MAPK6: variants seen among roughly 807,000 people sequenced by gnomAD.
MAPK6 encodes ERK-3.
A neutral mutation model predicts 59.3 loss-of-function variants in MAPK6; 19 were observed. That is an observed-to-expected ratio of 0.32 (90% confidence interval 0.22 to 0.47). MAPK6 has a LOEUF of 0.47. Among genes scored for constraint, MAPK6 ranks in the 20% least tolerant of loss-of-function variants. MAPK6 has a pLI of 1.00. For synonymous variants in MAPK6, 316 were observed against 290.3 expected, an observed-to-expected ratio of 1.09 and a Z score of -0.90; for missense variants, 724 against 847.9, an observed-to-expected ratio of 0.85 and a Z score of 1.81.
At chr15:51,992,609 G>T (rs868676023) in intron 2 of MAPK6, among the ~76,000 whole-genome samples, 11 of 151,822 alleles carry the variant, frequency 7.2e-5, no homozygotes, top group African/African-American at 2.7e-4. Context: ...CAGCCAAGCC[G>T]TCCCCCATTT....
At chr15:52,038,285 G>A (rs2031308198) in intron 1 of MAPK6, among the ~76,000 whole-genome samples, 1 of 152,156 alleles carries the variant, frequency 6.6e-6, no homozygotes, top group Non-Finnish European at 1.5e-5. Context: ...TGTTTAGTCT[G>A]TTTAAAAGAT....
intron 4 of MAPK6, among the ~76,000 whole-genome samples, chr15:52,059,506 CCTCT>C (rs1395007237): frequency 6.6e-6 from 1 of 152,076 alleles, no homozygotes; most frequent in Non-Finnish European, 1.5e-5. Context: ...GTCTGCATAC[CCTCT>C]CTAAGGTGTG....
intron 1 of MAPK6, among the ~76,000 whole-genome samples, chr15:51,974,423 G>A (rs1345248620): frequency 2.0e-5 from 3 of 151,260 alleles, no homozygotes; most frequent in African/African-American, 4.8e-5. Context: ...TTGGGAGGCC[G>A]AGGCAGGTGG....
chr15:51,988,526 G>A (rs1469235015), intron 2 of MAPK6, among the ~76,000 whole-genome samples: 2 of 152,094 alleles, frequency 1.3e-5, no homozygotes, highest in African/African-American at 4.8e-5. Context: ...AAGGGCAGGA[G>A]TTCAAGACCA....
chr15:52,045,429 A>G lies in MAPK6; in HGVS notation c.-631-401A>G, dbSNP rs542775615. Among the ~76,000 whole-genome samples, 22 of 152,362 alleles carry G rather than the reference A, an allele frequency of 1.4e-4. No individual in the cohort carries two copies. In the East Asian group the frequency reaches 4.0e-3, roughly 28 times the overall value. ...TGATAGGCATAGTTAATAAGTAAAC[A>G]TGCTTTTTAACAAACTAACACATTG... On this transcript the variant is annotated intron_variant, in intron 1 of 5. Transcript: ENST00000261845.
intron 3 of MAPK6, among the ~76,000 whole-genome samples, chr15:52,013,872 T>C (rs1272713269): frequency 6.6e-6 from 1 of 152,208 alleles, no homozygotes; most frequent in Admixed American, 6.5e-5. Context: ...GCCAGTGTTA[T>C]ATTCTAAAAT....
At chr15:52,048,695 G>A (rs1463193504) in intron 2 of MAPK6, among the ~76,000 whole-genome samples, 4 of 151,994 alleles carry the variant, frequency 2.6e-5, no homozygotes, top group East Asian at 1.9e-4. Flanking sequence ...TTAGGAGGCC[G>A]GGGCAGGAGG....
intron 1 of MAPK6, among the ~76,000 whole-genome samples, chr15:52,031,125 G>GT (rs2031015704): frequency 6.6e-6 from 1 of 151,912 alleles, no homozygotes; most frequent in African/African-American, 2.4e-5. Context: ...GAGAGACAGG[G>GT]TTTCCCCCTG....
At chr15:52,030,068 A>G (rs145149374) in intron 1 of MAPK6, among the ~76,000 whole-genome samples, 1 of 152,262 alleles carries the variant, frequency 6.6e-6, no homozygotes, top group Non-Finnish European at 1.5e-5. Flanking sequence ...TGCTGTGGCT[A>G]CACTGGCATT....
intron 2 of MAPK6, among the ~76,000 whole-genome samples, chr15:51,987,220 C>G (rs535028180): frequency 4.6e-5 from 7 of 152,194 alleles, no homozygotes; most frequent in Middle Eastern, 6.8e-3. Context: ...AAAAAGAAAT[C>G]GAACTGAGGA....
intron 1 of MAPK6, among the ~76,000 whole-genome samples, chr15:51,976,119 T>A (rs568360864): frequency 6.7e-6 from 1 of 149,022 alleles, no homozygotes; most frequent in African/African-American, 2.5e-5. Context: ...ATAAAAAATT[T>A]GCCGGGCGTG....
chr15:51,975,387 A>G (rs1305727722), intron 1 of MAPK6, among the ~76,000 whole-genome samples: 2 of 151,586 alleles, frequency 1.3e-5, no homozygotes, highest in Non-Finnish European at 2.9e-5. Context: ...CTAAGAATAC[A>G]AAAATTAGCT....
intron 5 of MAPK6, 87 bp downstream of exon 5, chr15:52,061,587 A>C: frequency 3.0e-6 from 3 of 1,004,794 alleles, no homozygotes; most frequent in Non-Finnish European, 4.4e-6. Flanking sequence ...TATGTATAAG[A>C]CATTGTAGAA....
At position 52,066,600 on chromosome 15, in the gene MAPK6, C is replaced by A. The variant is rs1034008502; in HGVS notation, c.*1600C>A. ...TCTTTCATCCTTGTTTTGTACAACA[C>A]CAATTCTATTAATATCTGCCCACCT... is the stretch of plus-strand genomic sequence containing the variant. On this transcript the variant is annotated 3_prime_UTR_variant, in exon 6 of 6. Transcript: ENST00000261845. 1 of 70,552 alleles carries A rather than the reference C, an allele frequency of 1.4e-5. No individual in the cohort carries two copies. Among genetic ancestry groups the A allele is most frequent in the Non-Finnish European group, 5.4e-5 (1 of 18,450 alleles). The allele number at this position is 70,552 out of a possible 1,614,324, so 4.4% of individuals were successfully genotyped here. A position where few individuals can be genotyped will look rare whatever the true frequency, so the allele number is the denominator to read the frequency against.
At chr15:51,973,670 T>A (rs1360543925) in intron 1 of MAPK6, among the ~76,000 whole-genome samples, 1 of 151,708 alleles carries the variant, frequency 6.6e-6, no homozygotes, top group African/African-American at 2.4e-5. Flanking sequence ...TTTTTTTTTT[T>A]AAACAGAGTT....
chr15:52,043,742 A>ATTTTTTTTTTTTGTT (rs2031505438), intron 1 of MAPK6, among the ~76,000 whole-genome samples: 1 of 40,630 alleles, frequency 2.5e-5, no homozygotes, highest in Non-Finnish European at 4.4e-5. Flanking sequence ...AAGTTGTTTG[A>ATTTTTTTTTTTTGTT]TTTTTTTTTT....
chr15:51,975,990 G>A (rs1195107169), intron 1 of MAPK6, among the ~76,000 whole-genome samples: 3 of 151,784 alleles, frequency 2.0e-5, no homozygotes, highest in Non-Finnish European at 4.4e-5. Context: ...TGGGGGGCTG[G>A]ACACGGTGGC....
chr15:52,052,748 G>C (rs1054819656), intron 3 of MAPK6, among the ~76,000 whole-genome samples: 2 of 152,210 alleles, frequency 1.3e-5, no homozygotes, highest in African/African-American at 4.8e-5. Context: ...CGGGCAAATA[G>C]TATTCTGCTA....
intron 1 of MAPK6, chr15:52,027,752 T>C (rs1217308735): frequency 7.8e-6 from 1 of 128,178 alleles, no homozygotes; most frequent in Non-Finnish European, 1.6e-5. Flanking sequence ...GATTTCTCTT[T>C]ATTTATTTAT....
Sources: gnomAD v4.1 joint callset for allele counts (sites outside exome capture counted in the v4.1 genomes callset) on GRCh38, gnomAD v4.1.1 for gene constraint, MANE v1.5 for transcripts, NCBI Gene and HGNC (gene_info 2026-07-23, HGNC 2026-07-21) for gene names.